KAZN: variants seen among roughly 807,000 people sequenced by gnomAD.
KAZN encodes kazrin, periplakin interacting protein, also known as kazrin.
In KAZN, 40 loss-of-function variants were observed where a neutral mutation model predicts 87.4. The observed-to-expected ratio is 0.46, with a 90% CI of 0.36 to 0.60. The LOEUF (loss-of-function observed/expected upper bound fraction) is 0.60. Ranked by LOEUF, KAZN falls within the 20% of genes least tolerant of loss-of-function variation. The pLI is 0.00. For missense variants in KAZN, 898 were observed against 1,073.9 expected (o/e 0.84, Z 2.29); for synonymous variants, 466 against 458.3 (o/e 1.02, Z -0.22).
In KAZN at chr1:14,427,858, T is replaced by C. The variant is rs187769997; in HGVS notation, c.250-171125T>C. 1.1e-3 allele frequency among the ~76,000 whole-genome samples: 167 copies of C among 152,338 alleles called. 1 individual carries two copies. The highest frequency in any genetic ancestry group is 2.0e-3 in the Non-Finnish European group (135 of 68,034). The stretch of plus-strand genomic sequence containing the variant: ...ATTATTACTGAAATTTATAATGGAC[T>C]ACCTGTAAATGAACTCCAGACTATG... On this transcript the variant is annotated intron_variant, in intron 2 of 16. Transcript: ENST00000636203.
chr1:13,999,405 C>T lies in KAZN; in HGVS notation c.91+105649C>T, dbSNP rs190367296. ...AACAAACAAAAAAAACCACAACTCA[C>T]TCAAAACCACACAATTTCATGGAAA... On this transcript the variant is annotated intron_variant, in intron 1 of 16. Transcript: ENST00000636203. Among the ~76,000 whole-genome samples the T allele has an allele frequency of 1.0e-3, 157 of 152,152 alleles. 1 individual carries two copies. In the Middle Eastern group the frequency reaches 0.014, roughly 13 times the overall value.
chr1:14,262,546 C>T (rs1290233178), intron 2 of KAZN, among the ~76,000 whole-genome samples: 4 of 152,230 alleles, frequency 2.6e-5, no homozygotes, highest in African/African-American at 4.8e-5. Flanking sequence ...TTAGCTCTCA[C>T]ATTCCACACT....
intron 1 of KAZN, among the ~76,000 whole-genome samples, chr1:14,725,661 T>C (rs1643345279): frequency 6.6e-6 from 1 of 151,860 alleles, no homozygotes; most frequent in Admixed American, 6.6e-5. Flanking sequence ...CCCAGTGAGG[T>C]TGAGTCGGGA....
At chr1:13,928,728 A>T (rs1460739491) in intron 1 of KAZN, among the ~76,000 whole-genome samples, 1 of 152,240 alleles carries the variant, frequency 6.6e-6, no homozygotes, top group Non-Finnish European at 1.5e-5. Flanking sequence ...GGAAAGAAAG[A>T]GTAACTTCTA....
chr1:14,644,843 T>C (rs1338376536), intron 1 of KAZN, among the ~76,000 whole-genome samples: 2 of 152,250 alleles, frequency 1.3e-5, no homozygotes, highest in African/African-American at 4.8e-5. Context: ...TTGTTGTGAT[T>C]GCTTTTGGTG....
intron 2 of KAZN, chr1:14,349,081 T>C (rs1421041814): frequency 2.6e-5 from 4 of 152,270 alleles, no homozygotes; most frequent in African/African-American, 9.6e-5. Flanking sequence ...GAGGCAACTC[T>C]CATTGTTCTT....
chr1:14,762,608 C>T (rs1489806818), intron 1 of KAZN, among the ~76,000 whole-genome samples: 2 of 152,010 alleles, frequency 1.3e-5, no homozygotes, highest in Non-Finnish European at 2.9e-5. Context: ...GCCTGTAGTC[C>T]CAGCTACTCG....
At chr1:14,886,046 T>C (rs1019781384) in intron 1 of KAZN, among the ~76,000 whole-genome samples, 1 of 152,002 alleles carries the variant, frequency 6.6e-6, no homozygotes, top group Non-Finnish European at 1.5e-5. Flanking sequence ...CCTGCAAATG[T>C]GGCAAGCCAT....
chr1:14,038,208 A>G, intron 1 of KAZN, among the ~76,000 whole-genome samples: 1 of 152,150 alleles, frequency 6.6e-6, no homozygotes, highest in East Asian at 1.9e-4. Context: ...TTTAGAAGGT[A>G]CTAAAGGATA....
intron 1 of KAZN, among the ~76,000 whole-genome samples, chr1:14,086,866 G>C (rs550862648): frequency 6.6e-6 from 1 of 152,272 alleles, no homozygotes; most frequent in South Asian, 2.1e-4. Context: ...CCATGTATGC[G>C]TGGGTCAATT....
chr1:14,886,416 T>G (rs1654053990), intron 1 of KAZN, among the ~76,000 whole-genome samples: 1 of 150,226 alleles, frequency 6.7e-6, no homozygotes, highest in Non-Finnish European at 1.5e-5. Flanking sequence ...GCATGAGGCC[T>G]TGTCTCTATA....
chr1:13,997,196 C>A (rs1417456883), intron 1 of KAZN, among the ~76,000 whole-genome samples: 1 of 151,752 alleles, frequency 6.6e-6, no homozygotes, highest in African/African-American at 2.4e-5. Context: ...CAACAACAAC[C>A]CCCACAAAAA....
At chr1:15,000,715 ATTGT>A (rs1481992560) in intron 2 of KAZN, among the ~76,000 whole-genome samples, 4 of 151,904 alleles carry the variant, frequency 2.6e-5, no homozygotes, top group Non-Finnish European at 5.9e-5. Flanking sequence ...AGCCGTGTAT[ATTGT>A]TTGTTTCTCT....
At chr1:14,484,020 G>A (rs1477901341) in intron 2 of KAZN, among the ~76,000 whole-genome samples, 3 of 152,106 alleles carry the variant, frequency 2.0e-5, no homozygotes, top group African/African-American at 7.2e-5. Flanking sequence ...TAAAGAGATC[G>A]TCTTCTCCTC....
intron 1 of KAZN, among the ~76,000 whole-genome samples, chr1:14,830,578 G>A (rs1425572147): frequency 1.3e-5 from 2 of 152,172 alleles, no homozygotes; most frequent in Admixed American, 6.5e-5. Flanking sequence ...CAAGAGGCAC[G>A]GCTGGGAGGC....
rs927508220 is a variant in KAZN at position 14,923,797 on chromosome 1, C to T, written c.227-36887C>T. On this transcript the variant is annotated intron_variant, in intron 1 of 14. Coordinates refer to ENST00000376030, the MANE Select transcript of KAZN (RefSeq NM_201628.3). This position sits in a 1 kb window ranked among gnomAD's most constrained non-coding sequence, Gnocchi z 4.2. ...CAGCTGTGGGGACCTCGGCTCTCGG[C>T]AAGGCTGTCACAGGGTGTCAGGAGA... 3.3e-5 allele frequency among the ~76,000 whole-genome samples: 5 copies of T among 152,212 alleles called. No individual in the cohort carries two copies. The highest frequency in any genetic ancestry group is 9.7e-5 in the African/African-American group (4 of 41,446).
At position 15,021,203 on chromosome 1, in the gene KAZN, C is replaced by A. The variant is rs76050454; in HGVS notation, c.419-13546C>A. The stretch of plus-strand genomic sequence containing the variant: ...CCGGCCATTCCCTGCTCCATGCTGC[C>A]TCTTCCTCCTTTCTCAAGACCGAGC... On this transcript the variant is annotated intron_variant, in intron 2 of 14. Transcript: ENST00000376030. The surrounding 1 kb of genome is among the most constrained non-coding windows in gnomAD (Gnocchi z 4.2). 6.6e-6 allele frequency among the ~76,000 whole-genome samples: 1 copy of A among 152,162 alleles called. No individual in the cohort carries two copies. The highest frequency in any genetic ancestry group is 1.5e-5 in the Non-Finnish European group (1 of 68,038).
chr1:14,944,890 GC>G (rs1188497290), intron 1 of KAZN, among the ~76,000 whole-genome samples: 1 of 152,206 alleles, frequency 6.6e-6, no homozygotes, highest in Non-Finnish European at 1.5e-5. Context: ...AGGGCAGGAG[GC>G]CTCTTGCCCG....
intron 1 of KAZN, among the ~76,000 whole-genome samples, chr1:13,913,136 TG>T (rs2100875065): frequency 6.6e-6 from 1 of 152,248 alleles, no homozygotes; most frequent in South Asian, 2.1e-4. Flanking sequence ...AAGCATCTAC[TG>T]GTTTCCCCCA....
Sources: gnomAD v4.1 joint callset for allele counts (sites outside exome capture counted in the v4.1 genomes callset) on GRCh38, gnomAD v4.1.1 for gene constraint, Gnocchi (gnomAD v3.1) non-coding constraint, MANE v1.5 for transcripts, NCBI Gene and HGNC (gene_info 2026-07-23, HGNC 2026-07-21) for gene names.